EML2: variants seen among roughly 807,000 people sequenced by gnomAD.
The protein encoded by EML2 is EMAP like 2, also known as echinoderm microtubule-associated protein-like 2.
EML2 carries 59 observed loss-of-function variants against 84.7 expected under a neutral mutation model. The ratio of observed to expected loss-of-function variants is 0.70; its 90% confidence interval spans 0.56 to 0.86. The LOEUF is 0.86. Ranked by LOEUF, EML2 falls within the 40% of genes least tolerant of loss-of-function variation. The pLI is 0.00. For missense variants in EML2, 818 were observed against 855.6 expected (o/e 0.96, Z 0.55); for synonymous variants, 352 against 348.9 (o/e 1.01, Z -0.10).
At chr19:45,613,265 C>T (rs1008493361) in intron 18 of EML2, among the ~76,000 whole-genome samples, 1 of 152,098 alleles carries the variant, frequency 6.6e-6, no homozygotes, top group Non-Finnish European at 1.5e-5. Flanking sequence ...AGTAGGTGCT[C>T]AATAAATATT....
chr19:45,641,676 T>C, upstream of EML2: 1 of 1,536,166 alleles, frequency 6.5e-7, no homozygotes, highest in Non-Finnish European at 8.7e-7. Flanking sequence ...TGCTGGAGGA[T>C]GTGGTCCGGC....
Position 45,616,499 on chromosome 19 carries a change from G to A in EML2, c.1471C>T (p.Gln491Ter). ...DNLVYVYTVD[Q>*]GGRKVSRLGK... ...AGGCGGCTGACCTTGCGGCCGCCCT[G>A]GTCCACCGTGTACACGTACACCAAG... is the stretch of plus-strand genomic sequence containing the variant. Residue 491 changes from glutamine (Q) to a stop codon, truncating the protein, a stop_gained, in exon 15 of 19, where the codon CAG becomes TAG. Transcript: ENST00000245925. LOFTEE classifies it high-confidence loss of function. The A allele has an allele frequency of 6.2e-7, 1 of 1,602,212 alleles. No homozygotes were observed. The highest frequency in any genetic ancestry group is 8.5e-7 in the Non-Finnish European group (1 of 1,170,968).
intron 16 of EML2, chr19:45,614,984 T>A: frequency 3.0e-6 from 1 of 331,480 alleles, no homozygotes; most frequent in Non-Finnish European, 5.8e-6. Flanking sequence ...CTGGATCACC[T>A]GAGGTCAGGA....
upstream of EML2, chr19:45,642,616 T>C (rs1394467764): frequency 9.4e-7 from 1 of 1,064,784 alleles, no homozygotes; most frequent in Non-Finnish European, 1.2e-6. Flanking sequence ...TTCCCTCTTA[T>C]TTTCTAAGAG....
chr19:45,629,861 G>T (rs554210105), intron 7 of EML2, 90 bp downstream of exon 7: 1 of 1,016,848 alleles, frequency 9.8e-7, no homozygotes, highest in Non-Finnish European at 1.6e-6. Context: ...GCTTAAACAC[G>T]GGTCTATCTG....
chr19:45,619,197 G>A lies in EML2; in HGVS notation c.1123-6C>T, dbSNP rs763659653. 39 of 1,608,556 alleles carry A rather than the reference G, an allele frequency of 2.4e-5. No individual in the cohort carries two copies. Among genetic ancestry groups the A allele is most frequent in the Non-Finnish European group, 2.8e-5 (33 of 1,178,086 alleles). ...CACAGCTCTTCCACATGGCCCTGGT[G>A]GAAAGGGAGGACAGCAGGATGGAGA... is the stretch of plus-strand genomic sequence containing the variant. On this transcript the variant is annotated splice_polypyrimidine_tract_variant and splice_region_variant and intron_variant, in intron 11 of 18. Coordinates refer to ENST00000245925, the MANE Select transcript of EML2 (RefSeq NM_012155.4).
At chr19:45,627,594 G>A (rs1972523527) in intron 7 of EML2, among the ~76,000 whole-genome samples, 1 of 152,158 alleles carries the variant, frequency 6.6e-6, no homozygotes, top group South Asian at 2.1e-4. Context: ...ACAGGAAGCA[G>A]GACAAGCCAG....
At chr19:45,615,608 A>G (rs1970960411) in intron 16 of EML2, among the ~76,000 whole-genome samples, 194 bp downstream of exon 16, 1 of 151,858 alleles carries the variant, frequency 6.6e-6, no homozygotes, top group African/African-American at 2.4e-5. Context: ...ATCCGACCGG[A>G]AAGGGGAGGA....
chr19:45,645,268 CTCACCGTTGCAG>C (rs1568503412), upstream of EML2: 5 of 1,533,250 alleles, frequency 3.3e-6, no homozygotes, highest in Non-Finnish European at 4.4e-6. Flanking sequence ...GAGGAGGGGT[CTCACCGTTGCAG>C]TATCGCAGCA....
At chr19:45,638,673 C>A (rs1974068391) in intron 2 of EML2, 39 bp from the exon 3 acceptor site, 1 of 1,607,436 alleles carries the variant, frequency 6.2e-7, no homozygotes, top group African/African-American at 1.3e-5. Context: ...CTGACACCAG[C>A]CCCATCCCTA....
rs1191534250 is a variant in EML2, at chr19:45,638,498, A to G, written c.179+7T>C. On this transcript the variant is annotated splice_region_variant and intron_variant, in intron 3 of 18. Transcript: ENST00000245925. ...GGAGCACCAAGGAGATTCCAGCAAA[A>G]GGATACACCCACTCCAGCTTGAGCC... 2 of 1,613,968 alleles carry G rather than the reference A, an allele frequency of 1.2e-6. No homozygotes were observed. The highest frequency in any genetic ancestry group is 1.7e-6 in the Non-Finnish European group (2 of 1,180,008).
chr19:45,642,698 C>T (rs923290365), upstream of EML2: 8 of 270,144 alleles, frequency 3.0e-5, no homozygotes, highest in South Asian at 9.3e-5. Flanking sequence ...CGCAGTGGCT[C>T]ACGCCTGTAA....
intron 8 of EML2, among the ~76,000 whole-genome samples, chr19:45,626,084 C>T (rs1480731586): frequency 6.6e-6 from 1 of 151,752 alleles, no homozygotes; most frequent in African/African-American, 2.4e-5. Flanking sequence ...TCCATGTTTC[C>T]CAGGCTGGTC....
Position 45,609,564 on chromosome 19 carries a change from T to C in EML2, c.*99A>G, listed in dbSNP as rs889334344. The C allele has an allele frequency of 1.9e-5, 20 of 1,040,090 alleles. No homozygotes were observed. Among genetic ancestry groups the C allele is most frequent in the Middle Eastern group, 2.4e-4 (1 of 4,112 alleles). The allele number at this position is 1,040,090 out of a possible 1,614,324, so 64.4% of individuals were successfully genotyped here. A position where few individuals can be genotyped will look rare whatever the true frequency, so the allele number is the denominator to read the frequency against. On this transcript the variant is annotated 3_prime_UTR_variant, in exon 19 of 19. Coordinates refer to ENST00000245925, the MANE Select transcript of EML2 (RefSeq NM_012155.4). ...ACCCTCCCGCCCCCATAACCCCCTCTGCTATAGACATACTCTGGGTATATA... is the reference window on the plus strand; with the variant it reads ...ACCCTCCCGCCCCCATAACCCCCTCCGCTATAGACATACTCTGGGTATATA...
At chr19:45,642,820 T>G (rs1974684382), upstream of EML2, 1 of 151,382 alleles carries the variant, frequency 6.6e-6, no homozygotes, top group Non-Finnish European at 1.5e-5. Context: ...AAATTAAAAA[T>G]AAAATAAAAT....
chr19:45,617,353 C>G (rs1384367389), intron 13 of EML2, among the ~76,000 whole-genome samples: 1 of 151,224 alleles, frequency 6.6e-6, no homozygotes, highest in African/African-American at 2.4e-5. Context: ...GTCAGGAGTT[C>G]GAGACCAGCC....
chr19:45,637,064 G>A (rs1973811339), intron 3 of EML2, among the ~76,000 whole-genome samples: 1 of 152,242 alleles, frequency 6.6e-6, no homozygotes, highest in African/African-American at 2.4e-5. Flanking sequence ...CCTCTCATCA[G>A]ATGCTTATCA....
intron 9 of EML2, among the ~76,000 whole-genome samples, chr19:45,624,380 G>A (rs750343398): frequency 3.9e-5 from 6 of 151,972 alleles, no homozygotes; most frequent in Middle Eastern, 3.4e-3. Context: ...TGATCCACAC[G>A]CTGGGACAAA....
Position 45,609,600 on chromosome 19 carries a change from C to A in EML2, c.*63G>T. On this transcript the variant is annotated 3_prime_UTR_variant, in exon 19 of 19. Transcript: ENST00000245925. ...TACTCTGGGTATATATTACTCTACTCGGCAATAGACATCTCCCGAAAATAG... is the reference window on the plus strand; with the variant it reads ...TACTCTGGGTATATATTACTCTACTAGGCAATAGACATCTCCCGAAAATAG... The A allele has an allele frequency of 6.6e-7, 1 of 1,526,598 alleles. No individual in the cohort carries two copies. Among genetic ancestry groups the A allele is most frequent in the Non-Finnish European group, 8.8e-7 (1 of 1,134,734 alleles). The allele number at this position is 1,526,598 out of a possible 1,614,324, so 94.6% of individuals were successfully genotyped here. A position where few individuals can be genotyped will look rare whatever the true frequency, so the allele number is the denominator to read the frequency against.
Sources: gnomAD v4.1 joint callset for allele counts (sites outside exome capture counted in the v4.1 genomes callset) on GRCh38, gnomAD v4.1.1 for gene constraint, MANE v1.5 for transcripts, NCBI Gene and HGNC (gene_info 2026-07-23, HGNC 2026-07-21) for gene names.